TSPAN8: variants seen among roughly 807,000 people sequenced by gnomAD.
TSPAN8 encodes the protein tetraspanin 8.
In TSPAN8, 21 loss-of-function variants were observed where a neutral mutation model predicts 32.8. That is an observed-to-expected ratio of 0.64 (90% CI 0.45 to 0.92). The LOEUF is 0.92. TSPAN8 is among the 40% of genes least tolerant of loss of function. The pLI is 0.00. For missense variants in TSPAN8, 269 were observed against 281.9 expected, an observed-to-expected ratio of 0.95 and a Z score of 0.33; for synonymous variants, 95 against 94.6, an observed-to-expected ratio of 1.00 and a Z score of -0.03.
chr12:71,129,404 G>C lies in TSPAN8; in HGVS notation c.587C>G (p.Ser196Cys). ...TTTTGCCAAGAAGTCTTTTATGAAAGAAATACAGGTCTGTTAAAAAAAAAA... is the reference window on the plus strand; with the variant it reads ...TTTTGCCAAGAAGTCTTTTATGAAACAAATACAGGTCTGTTAAAAAAAAAA... Reference protein sequence around the residue: ...GKQVYKETCISFIKDFLAKNL... With the variant: ...GKQVYKETCICFIKDFLAKNL... Residue 196 changes from serine to cysteine, a missense_variant, in exon 8 of 9, where the codon TCT becomes TGT. Physicochemically the swap from Ser to Cys is moderately radical, Grantham distance 112. Coordinates refer to ENST00000247829, the MANE Select transcript of TSPAN8 (RefSeq NM_004616.3). The C allele has an allele frequency of 6.4e-7, 1 of 1,569,644 alleles. No homozygotes were observed. Among genetic ancestry groups the C allele is most frequent in the Non-Finnish European group, 8.6e-7 (1 of 1,161,444 alleles).
chr12:71,156,250 C>CAAAAAAAAAAAAAAAAAAAAAAAA (rs763217771), intron 2 of TSPAN8, among the ~76,000 whole-genome samples: 12 of 24,356 alleles, frequency 4.9e-4, no homozygotes, highest in African/African-American at 1.4e-3. Context: ...CAAAGTTCTC[C>CAAAAAAAAAAAAAAAAAAAAAAAA]AAAAAAAAAA....
At chr12:71,137,032 A>G (rs915890272) in intron 6 of TSPAN8, among the ~76,000 whole-genome samples, 18 of 152,190 alleles carry the variant, frequency 1.2e-4, no homozygotes, top group African/African-American at 4.3e-4. Context: ...GCAATTTGGG[A>G]GGCCAAGGCA....
At chr12:71,156,158 G>A (rs1256326992) in intron 2 of TSPAN8, among the ~76,000 whole-genome samples, 1 of 148,542 alleles carries the variant, frequency 6.7e-6, no homozygotes, top group Non-Finnish European at 1.5e-5. Flanking sequence ...AGTAAAAATG[G>A]AGAAAGATTG....
intron 6 of TSPAN8, among the ~76,000 whole-genome samples, chr12:71,137,648 C>T (rs1048361920): frequency 2.0e-5 from 3 of 152,066 alleles, no homozygotes; most frequent in Admixed American, 6.5e-5. Context: ...GATTCCCAGA[C>T]ACACTACCCT....
chr12:71,125,164 A>T lies in TSPAN8; in HGVS notation c.*170T>A. 1.9e-6 allele frequency: 1 copy of T among 519,860 alleles called. No individual in the cohort carries two copies. The highest frequency in any genetic ancestry group is 3.0e-5 in the East Asian group (1 of 33,008). 32.2% of individuals were successfully genotyped at this position (519,860 alleles called of 1,614,324 possible). ...ATATCATTTTCCCTTATATCCCTCA[A>T]ATCTTAAATGTGTTCAATATGTCTA... is the stretch of plus-strand genomic sequence containing the variant. On this transcript the variant is annotated 3_prime_UTR_variant, in exon 9 of 9. Coordinates refer to ENST00000247829, the MANE Select transcript of TSPAN8 (RefSeq NM_004616.3).
At chr12:71,153,338 TAGC>T (rs1872318080) in intron 2 of TSPAN8, among the ~76,000 whole-genome samples, 1 of 152,248 alleles carries the variant, frequency 6.6e-6, no homozygotes, top group African/African-American at 2.4e-5. Context: ...CATCAAACTC[TAGC>T]ATGAGTGATC....
intron 8 of TSPAN8, 92 bp downstream of exon 8, chr12:71,129,239 T>G: frequency 3.0e-6 from 4 of 1,321,844 alleles, no homozygotes; most frequent in Non-Finnish European, 4.0e-6. Flanking sequence ...GTGGTTTTTT[T>G]TTTTCTGTTT....
At chr12:71,143,851 A>G (rs1279717375) in intron 3 of TSPAN8, among the ~76,000 whole-genome samples, 1 of 152,126 alleles carries the variant, frequency 6.6e-6, no homozygotes, top group African/African-American at 2.4e-5. Context: ...CAAATAGTAA[A>G]GGAGGAAAAT....
chr12:71,151,352 C>T (rs150233181), intron 2 of TSPAN8, among the ~76,000 whole-genome samples: 42 of 152,248 alleles, frequency 2.8e-4, no homozygotes, highest in Non-Finnish European at 4.3e-4. Flanking sequence ...CATGAGCCAC[C>T]GCGCCTGGTC....
Position 71,152,217 on chromosome 12 carries a change from A to G in TSPAN8, c.60+5402T>C, listed in dbSNP as rs1872277367. ...AAGCCAAGGGACATGTTCCAGAACA[A>G]GAAGGGGTAGATTCAGGATTGAAAT... On this transcript the variant is annotated intron_variant, in intron 2 of 8. Coordinates refer to ENST00000247829, the MANE Select transcript of TSPAN8 (RefSeq NM_004616.3). Among the ~76,000 whole-genome samples, 3 of 152,214 alleles carry G rather than the reference A, an allele frequency of 2.0e-5. No individual in the cohort carries two copies. The South Asian group carries it at 6.2e-4, about 32-fold the overall frequency.
chr12:71,140,531 T>TC (rs1871869928), intron 3 of TSPAN8, among the ~76,000 whole-genome samples: 1 of 152,124 alleles, frequency 6.6e-6, no homozygotes, highest in African/African-American at 2.4e-5. Flanking sequence ...ATCTCTTTGT[T>TC]CCCAAAAGCC....
rs139501359 is a variant in TSPAN8 at position 71,136,996 on chromosome 12, T to C, written c.444+957A>G. ...TGAGAAAGAAAAAAAGAGAGGTGGATGTGGTTGCTCACGCTTGCAATCCCA... is the reference window on the plus strand; with the variant it reads ...TGAGAAAGAAAAAAAGAGAGGTGGACGTGGTTGCTCACGCTTGCAATCCCA... On this transcript the variant is annotated intron_variant, in intron 6 of 8. Transcript: ENST00000247829. Among the ~76,000 whole-genome samples the C allele has an allele frequency of 6.4e-3, 972 of 152,218 alleles. 13 individuals carry two copies. The highest frequency in any genetic ancestry group is 0.022 in the African/African-American group (905 of 41,546).
At position 71,144,219 on chromosome 12, in the gene TSPAN8, GA is replaced by G. The variant is rs1565787477; in HGVS notation, c.61-7del. The G allele has an allele frequency of 2.5e-6, 4 of 1,608,832 alleles. No individual in the cohort carries two copies. The highest frequency in any genetic ancestry group is 4.5e-5 in the East Asian group (2 of 44,784). On this transcript the variant is annotated splice_region_variant and splice_polypyrimidine_tract_variant and intron_variant, in intron 2 of 8. Transcript: ENST00000247829. ...AGGATCAAGATACCACATAGCTGCA[GA>G]AAAAAACAAACAAACAAAAAGAATA...
intron 8 of TSPAN8, among the ~76,000 whole-genome samples, chr12:71,125,624 A>G (rs1871327198): frequency 6.6e-6 from 1 of 152,082 alleles, no homozygotes; most frequent in African/African-American, 2.4e-5. Flanking sequence ...ATCAGCCTCT[A>G]TCTAACTGGC....
chr12:71,127,418 A>G (rs964823816), intron 8 of TSPAN8, among the ~76,000 whole-genome samples: 17 of 152,164 alleles, frequency 1.1e-4, no homozygotes, highest in Non-Finnish European at 1.9e-4. Flanking sequence ...AGACTGAGGA[A>G]CTGAACAATT....
chr12:71,125,887 C>CTT (rs34939518), intron 8 of TSPAN8, among the ~76,000 whole-genome samples: 18 of 151,836 alleles, frequency 1.2e-4, no homozygotes, highest in Non-Finnish European at 1.2e-4. Context: ...TGAAGTAACT[C>CTT]TTTTTTTAAA....
intron 6 of TSPAN8, among the ~76,000 whole-genome samples, chr12:71,133,258 T>C (rs1370936461): frequency 6.6e-6 from 1 of 152,040 alleles, no homozygotes; most frequent in African/African-American, 2.4e-5. Flanking sequence ...AGCTAATTTT[T>C]GTATTTTTAG....
In TSPAN8 at chr12:71,157,775, T is replaced by G; in HGVS notation, c.-97A>C. 1 of 899,624 alleles carries G rather than the reference T, an allele frequency of 1.1e-6. No individual in the cohort carries two copies. The highest frequency in any genetic ancestry group is 1.8e-6 in the Non-Finnish European group (1 of 545,052). The allele number at this position is 899,624 out of a possible 1,614,324, so 55.7% of individuals were successfully genotyped here. On this transcript the variant is annotated 5_prime_UTR_variant, in exon 2 of 9. Coordinates refer to ENST00000247829, the MANE Select transcript of TSPAN8 (RefSeq NM_004616.3). ...CTGGAGCAACTTGCCTGCAGAGATT[T>G]CTGTATCCACGGCTTCAGAGCAGAA...
intron 7 of TSPAN8, among the ~76,000 whole-genome samples, chr12:71,132,161 A>G (rs1003408653): frequency 6.6e-6 from 1 of 152,214 alleles, no homozygotes; most frequent in African/African-American, 2.4e-5. Context: ...TAACTTCTCA[A>G]TTGCAGCAAT....
Sources: allele counts gnomAD v4.1 joint callset (sites outside exome capture counted in the v4.1 genomes callset), GRCh38; gene constraint gnomAD v4.1.1; transcripts MANE v1.5; gene names NCBI Gene and HGNC (gene_info 2026-07-23, HGNC 2026-07-21).